The following MAPK6 variants were observed in gnomAD, a reference collection of about 807,000 sequenced individuals.
MAPK6 encodes mitogen-activated protein kinase 6, also known as ERK-3.
A neutral mutation model predicts 59.3 loss-of-function variants in MAPK6; 19 were observed. That is an observed-to-expected ratio of 0.32 (90% confidence interval 0.22 to 0.47). The LOEUF (loss-of-function observed/expected upper bound fraction) is 0.47, where lower values mean the gene tolerates loss of function less well. Among genes scored for constraint, MAPK6 ranks in the 20% least tolerant of loss-of-function variants. The pLI is 1.00. For synonymous variants in MAPK6, 316 were observed against 290.3 expected (o/e 1.09, Z -0.90); for missense variants, 724 against 847.9 (o/e 0.85, Z 1.81).
chr15:52,029,269 C>T (rs1272514712), intron 1 of MAPK6, among the ~76,000 whole-genome samples: 1 of 152,148 alleles, frequency 6.6e-6, no homozygotes, highest in Non-Finnish European at 1.5e-5. Context: ...GAACTCCTGA[C>T]CTCAGCCTCC....
intron 1 of MAPK6, among the ~76,000 whole-genome samples, chr15:52,026,204 T>C (rs1017589839): frequency 6.6e-6 from 1 of 152,236 alleles, no homozygotes; most frequent in Non-Finnish European, 1.5e-5. Flanking sequence ...TTGTTGGCAC[T>C]TGTTGATTAC....
intron 2 of MAPK6, among the ~76,000 whole-genome samples, chr15:51,987,846 A>G (rs189124815): frequency 1.4e-5 from 2 of 147,040 alleles, no homozygotes; most frequent in African/African-American, 5.1e-5. Context: ...GCTCACTGCA[A>G]CCTCCTCCTC....
At chr15:52,028,012 G>A (rs533558371) in intron 1 of MAPK6, 2 of 132,294 alleles carry the variant, frequency 1.5e-5, no homozygotes, top group Non-Finnish European at 3.0e-5. Flanking sequence ...GAGTGCAGTG[G>A]TGCGATCTCA....
At chr15:52,027,778 TTTAC>T (rs1048938583) in intron 1 of MAPK6, 1 of 145,090 alleles carries the variant, frequency 6.9e-6, no homozygotes, top group African/African-American at 2.6e-5. Flanking sequence ...TATTTATTTA[TTTAC>T]TGTTTTTTGA....
In MAPK6 at chr15:52,046,753, T is replaced by G; in HGVS notation, c.293T>G (p.Leu98Arg). The part of the protein sequence containing the change: ...GSQLTDDVGS[L>R]TELNSVYIVQ... Reference sequence around the variant, plus strand: ...CAATTAACAGACGATGTGGGCTCTCTTACGGAACTGAACAGTGTTTACATT... The same window carrying G: ...CAATTAACAGACGATGTGGGCTCTCGTACGGAACTGAACAGTGTTTACATT... Residue 98 changes from leucine (L) to arginine (R), a missense_variant, in exon 2 of 6, where the codon CTT (leucine) becomes CGT (arginine). This residue lies in a region of MAPK6 where 87 missense variants were observed against 93.0 expected (regional missense o/e 0.93). Coordinates refer to ENST00000261845, the MANE Select transcript of MAPK6 (RefSeq NM_002748.4). The G allele has an allele frequency of 1.9e-6, 3 of 1,614,176 alleles. No homozygotes were observed. Among genetic ancestry groups the G allele is most frequent in the Non-Finnish European group, 2.5e-6 (3 of 1,180,012 alleles).
At position 52,061,996 on chromosome 15, in the gene MAPK6, A is replaced by G. The variant is rs74880060; in HGVS notation, c.1067+496A>G. Among the ~76,000 whole-genome samples the G allele has an allele frequency of 2.5e-3, 379 of 152,242 alleles. 7 individuals are homozygous for G. The highest frequency in any genetic ancestry group is 0.019 in the Admixed American group (284 of 15,294). ...ATGACAAGACTCAGTCATATCCAAT[A>G]AAGTATCTCCAGTGTCTCAGTGGTA... On this transcript the variant is annotated intron_variant, in intron 5 of 5. Transcript: ENST00000261845.
chr15:52,058,861 A>G, intron 4 of MAPK6, 64 bp downstream of exon 4: 1 of 1,386,616 alleles, frequency 7.2e-7, no homozygotes, highest in South Asian at 1.6e-5. Flanking sequence ...CTGTGTAGGG[A>G]AGCTGGAGCT....
chr15:52,064,812 G>A lies in MAPK6; in HGVS notation c.1978G>A (p.Gly660Arg). ...GCTTGGGGAGAGAGGACATGAGGAA[G>A]GATTTCTGAACAACAGTGGGGAGTT... The part of the protein sequence containing the change: ...GKLGERGHEE[G>R]FLNNSGEFLF... The change falls in exon 6 of 6, where the codon GGA becomes AGA. Residue 660 changes from glycine (G) to arginine (R), a missense_variant. Around this residue, in one of 4 missense-constraint regions of MAPK6, gnomAD observed 502 missense variants for 507.6 expected, o/e 0.99. Transcript: ENST00000261845. The A allele has an allele frequency of 6.2e-7, 1 of 1,611,936 alleles. No individual in the cohort carries two copies. Among genetic ancestry groups the A allele is most frequent in the Non-Finnish European group, 8.5e-7 (1 of 1,179,820 alleles).
chr15:51,990,254 A>G (rs79780687), intron 2 of MAPK6, among the ~76,000 whole-genome samples: 2,523 of 152,318 alleles, frequency 0.017, 27 homozygotes, highest in African/African-American at 0.033. Context: ...AAAAAATACA[A>G]CAAAGTAGCC....
intron 1 of MAPK6, among the ~76,000 whole-genome samples, chr15:52,034,772 A>G (rs1428106544): frequency 6.6e-6 from 1 of 152,060 alleles, no homozygotes; most frequent in Non-Finnish European, 1.5e-5. Flanking sequence ...ATCTCAGCTC[A>G]CTACAACCTC....
intron 2 of MAPK6, among the ~76,000 whole-genome samples, chr15:51,988,191 G>A (rs2057196994): frequency 6.6e-6 from 1 of 151,952 alleles, no homozygotes; most frequent in Non-Finnish European, 1.5e-5. Context: ...TTATTAAATT[G>A]GTTTGAAATC....
intron 2 of MAPK6, among the ~76,000 whole-genome samples, chr15:51,985,912 C>T (rs1482621610): frequency 6.6e-6 from 1 of 151,668 alleles, no homozygotes; most frequent in South Asian, 2.1e-4. Context: ...GAGCCGAGAT[C>T]GCTCCACTGC....
At chr15:52,053,057 G>C (rs1249559905) in intron 3 of MAPK6, among the ~76,000 whole-genome samples, 1 of 146,854 alleles carries the variant, frequency 6.8e-6, no homozygotes, top group Admixed American at 6.8e-5. Context: ...GTATGAAGTA[G>C]TATCTCATTG....
intron 3 of MAPK6, 101 bp from the exon 4 acceptor site, chr15:52,058,532 C>A (rs987269336): frequency 2.6e-5 from 25 of 957,230 alleles, no homozygotes; most frequent in Non-Finnish European, 3.7e-5. Context: ...TCAAACTTTT[C>A]CCCCCACTGG....
At chr15:52,018,505 G>C (rs1000782282), upstream of MAPK6, among the ~76,000 whole-genome samples, 5 of 152,102 alleles carry the variant, frequency 3.3e-5, no homozygotes. Context: ...CACTGAAAAG[G>C]CTCCTTGGAC....
At chr15:52,026,399 C>G (rs942623245) in intron 1 of MAPK6, among the ~76,000 whole-genome samples, 1 of 152,138 alleles carries the variant, frequency 6.6e-6, no homozygotes, top group Non-Finnish European at 1.5e-5. Context: ...TCAAGTGATT[C>G]TCCTGCTGCA....
intron 3 of MAPK6, chr15:52,056,768 C>G (rs1340551238): frequency 6.6e-6 from 1 of 152,268 alleles, no homozygotes; most frequent in East Asian, 1.9e-4. Context: ...CCCTGCTTCT[C>G]TAGCTTCACT....
intron 1 of MAPK6, among the ~76,000 whole-genome samples, chr15:51,973,877 C>T (rs1050084223): frequency 2.6e-5 from 4 of 151,860 alleles, no homozygotes; most frequent in Non-Finnish European, 5.9e-5. Flanking sequence ...GTCTCAAACT[C>T]CTGACCTCAG....
At chr15:51,981,715 A>G (rs994173806) in intron 1 of MAPK6, among the ~76,000 whole-genome samples, 6 of 152,168 alleles carry the variant, frequency 3.9e-5, no homozygotes, top group Non-Finnish European at 8.8e-5. Flanking sequence ...TGCAGCAGGC[A>G]GGATGAGGTC....
Sources: allele counts gnomAD v4.1 joint callset (sites outside exome capture counted in the v4.1 genomes callset), GRCh38; gene constraint gnomAD v4.1.1; regional missense constraint gnomAD v4.1.1; transcripts MANE v1.5; gene names NCBI Gene and HGNC (gene_info 2026-07-23, HGNC 2026-07-21).